MAD1L1: variants seen among roughly 807,000 people sequenced by gnomAD.
The protein encoded by MAD1L1 is mitotic spindle assembly checkpoint protein MAD1.
MAD1L1 carries 95 observed loss-of-function variants against 96.9 expected under a neutral mutation model. That is an observed-to-expected ratio of 0.98 (90% CI 0.83 to 1.16). The LOEUF is 1.16. Ranked by LOEUF, MAD1L1 falls within the 50% of genes most tolerant of loss-of-function variation. The pLI is 0.00. For missense variants in MAD1L1, 1,007 were observed against 954.4 expected (o/e 1.06, Z -0.73); for synonymous variants, 473 against 396.6 (o/e 1.19, Z -2.29).
chr7:2,052,575 G>A (rs1784230988), intron 12 of MAD1L1, among the ~76,000 whole-genome samples: 1 of 152,180 alleles, frequency 6.6e-6, no homozygotes, highest in Admixed American at 6.5e-5. Context: ...GTATACAGTG[G>A]AAACCCTACT....
At chr7:2,150,047 A>G (rs1584432563) in intron 10 of MAD1L1, among the ~76,000 whole-genome samples, 1 of 152,316 alleles carries the variant, frequency 6.6e-6, no homozygotes, top group East Asian at 1.9e-4. Flanking sequence ...GACCAAGCGC[A>G]GGTCCACATA....
At chr7:1,870,094 T>G (rs907712185) in intron 18 of MAD1L1, among the ~76,000 whole-genome samples, 4 of 152,042 alleles carry the variant, frequency 2.6e-5, no homozygotes, top group Non-Finnish European at 5.9e-5. Context: ...GGAGAGTGAC[T>G]GACCCCAGAT....
At chr7:2,011,901 G>A (rs1782321209) in intron 13 of MAD1L1, among the ~76,000 whole-genome samples, 1 of 152,192 alleles carries the variant, frequency 6.6e-6, no homozygotes, top group African/African-American at 2.4e-5. Flanking sequence ...CAGGGGGATG[G>A]GCAGAGGAGG....
chr7:2,087,435 G>A (rs1785976741), intron 11 of MAD1L1, among the ~76,000 whole-genome samples: 1 of 152,148 alleles, frequency 6.6e-6, no homozygotes, highest in African/African-American at 2.4e-5. Context: ...AGCTACTCAT[G>A]AGGCTGAGGC....
intron 11 of MAD1L1, among the ~76,000 whole-genome samples, chr7:2,115,220 G>A (rs1322215313): frequency 6.6e-6 from 1 of 152,030 alleles, no homozygotes; most frequent in Non-Finnish European, 1.5e-5. Context: ...GCATGTTCCG[G>A]GGTCAGAGGA....
intron 12 of MAD1L1, among the ~76,000 whole-genome samples, chr7:2,022,519 C>T (rs1036132042): frequency 6.6e-6 from 1 of 151,560 alleles, no homozygotes; most frequent in South Asian, 2.1e-4. Context: ...CCACTGTACC[C>T]CAGCCTGGGC....
At chr7:1,866,934 G>A (rs980454214) in intron 18 of MAD1L1, among the ~76,000 whole-genome samples, 8 of 152,304 alleles carry the variant, frequency 5.3e-5, no homozygotes, top group South Asian at 4.2e-4. Context: ...TGCCCACAGC[G>A]GTCCTCCTGC....
intron 11 of MAD1L1, among the ~76,000 whole-genome samples, chr7:2,110,778 C>T (rs1213820401): frequency 2.6e-5 from 4 of 152,216 alleles, no homozygotes; most frequent in Non-Finnish European, 2.9e-5. Flanking sequence ...GCCCCCAGTG[C>T]GGTCCGAGCA....
chr7:2,064,645 C>A (rs1784801727), intron 12 of MAD1L1, among the ~76,000 whole-genome samples: 2 of 151,522 alleles, frequency 1.3e-5, no homozygotes, highest in African/African-American at 4.9e-5. Context: ...CCTGGGAGGA[C>A]AGAGGCTTCT....
At chr7:2,065,412 C>T (rs953980400) in intron 12 of MAD1L1, among the ~76,000 whole-genome samples, 7 of 152,164 alleles carry the variant, frequency 4.6e-5, no homozygotes, top group African/African-American at 1.4e-4. Context: ...GTTTTGAGAC[C>T]GTGGATCATC....
chr7:2,009,711 G>GCCC (rs1354599186), intron 13 of MAD1L1, among the ~76,000 whole-genome samples: 1 of 152,220 alleles, frequency 6.6e-6, no homozygotes, highest in Non-Finnish European at 1.5e-5. Flanking sequence ...ATGCAAGGAA[G>GCCC]GCTAGGGGGT....
intron 13 of MAD1L1, among the ~76,000 whole-genome samples, chr7:2,009,726 G>T (rs1297772958): frequency 1.3e-5 from 2 of 152,168 alleles, no homozygotes; most frequent in African/African-American, 4.8e-5. Flanking sequence ...GGGGGTGGAC[G>T]CCCAGGCCCT....
intron 18 of MAD1L1, among the ~76,000 whole-genome samples, chr7:1,843,825 T>C (rs1256387845): frequency 6.6e-6 from 1 of 152,200 alleles, no homozygotes; most frequent in Non-Finnish European, 1.5e-5. Context: ...GCGTGGGCAA[T>C]GCTGAAACGA....
intron 11 of MAD1L1, among the ~76,000 whole-genome samples, chr7:2,098,372 AC>A (rs1404688752): frequency 2.0e-5 from 3 of 152,216 alleles, no homozygotes; most frequent in Non-Finnish European, 4.4e-5. Context: ...CCAGACAGGA[AC>A]AAGAGACCTC....
At chr7:2,163,315 T>C (rs917168143) in intron 10 of MAD1L1, among the ~76,000 whole-genome samples, 2 of 152,184 alleles carry the variant, frequency 1.3e-5, no homozygotes, top group African/African-American at 4.8e-5. Flanking sequence ...AAGGTCCACA[T>C]GTTTTCAAAG....
intron 11 of MAD1L1, among the ~76,000 whole-genome samples, chr7:2,115,486 A>G (rs1329956366): frequency 1.5e-5 from 2 of 133,868 alleles, no homozygotes; most frequent in African/African-American, 5.8e-5. Context: ...CAGGGTCCCC[A>G]CGTGTTCCGG....
intron 18 of MAD1L1, among the ~76,000 whole-genome samples, chr7:1,878,303 C>T (rs1224023584): frequency 6.6e-6 from 1 of 151,868 alleles, no homozygotes; most frequent in Non-Finnish European, 1.5e-5. Context: ...GAACCCTTCC[C>T]AATTCATTTT....
At chr7:2,045,535 G>T (rs1264947403) in intron 12 of MAD1L1, among the ~76,000 whole-genome samples, 1 of 152,232 alleles carries the variant, frequency 6.6e-6, no homozygotes, top group African/African-American at 2.4e-5. Flanking sequence ...TTAACTGGAG[G>T]TTAATAAAAA....
chr7:2,025,435 T>C (rs1240056026), intron 12 of MAD1L1, among the ~76,000 whole-genome samples: 1 of 152,234 alleles, frequency 6.6e-6, no homozygotes, highest in Admixed American at 6.5e-5. Context: ...TGATAACCTA[T>C]GATTTTATAC....
Sources: allele counts gnomAD v4.1 joint callset (sites outside exome capture counted in the v4.1 genomes callset), GRCh38; gene constraint gnomAD v4.1.1; transcripts MANE v1.5; gene names NCBI Gene and HGNC (gene_info 2026-07-23, HGNC 2026-07-21).